ICA1: variants seen among roughly 807,000 people sequenced by gnomAD.
ICA1 encodes 69 kDa islet cell autoantigen.
In ICA1, 40 loss-of-function variants were observed where a neutral mutation model predicts 71.0. The observed-to-expected ratio is 0.56, with a 90% confidence interval of 0.44 to 0.73. The LOEUF (loss-of-function observed/expected upper bound fraction) is 0.73. ICA1 is among the 30% of genes least tolerant of loss of function. The pLI, the probability that ICA1 is intolerant of heterozygous loss-of-function variation, is 0.00. For synonymous variants in ICA1, 207 were observed against 209.5 expected, an observed-to-expected ratio of 0.99 and a Z score of 0.10; for missense variants, 578 against 576.5, an observed-to-expected ratio of 1.00 and a Z score of -0.03.
intron 8 of ICA1, among the ~76,000 whole-genome samples, chr7:8,149,081 A>G (rs1797978658): frequency 6.6e-6 from 1 of 152,228 alleles, no homozygotes; most frequent in Non-Finnish European, 1.5e-5. Flanking sequence ...TCTGTGTGAC[A>G]GGAACACCTG....
Position 8,130,251 on chromosome 7 carries a change from T to C in ICA1, c.1061-2109A>G, listed in dbSNP as rs955880044. Among the ~76,000 whole-genome samples the C allele has an allele frequency of 3.3e-5, 5 of 152,294 alleles. No individual in the cohort carries two copies. Among genetic ancestry groups the C allele is most frequent in the Admixed American group, 6.5e-5 (1 of 15,288 alleles). The stretch of plus-strand genomic sequence containing the variant: ...GCTGGGTCGAATGGTATTTCGACAG[T>C]GTGATATTAACAGGGTAGTTCAGGA... On this transcript the variant is annotated intron_variant, in intron 12 of 13. Transcript: ENST00000402384. The surrounding 1 kb of genome is among the most constrained non-coding windows in gnomAD (Gnocchi z 4.2).
chr7:8,247,772 C>A (rs968530472), intron 1 of ICA1, among the ~76,000 whole-genome samples: 1 of 152,164 alleles, frequency 6.6e-6, no homozygotes, highest in Non-Finnish European at 1.5e-5. Flanking sequence ...TTTTTCTATG[C>A]ATTTCTTCAA....
chr7:8,224,431 A>C (rs1253877071), intron 4 of ICA1, among the ~76,000 whole-genome samples: 3 of 151,894 alleles, frequency 2.0e-5, no homozygotes, highest in Admixed American at 2.0e-4. Context: ...TTTTAAAAGT[A>C]GGGGAGCAAT....
intron 1 of ICA1, among the ~76,000 whole-genome samples, chr7:8,246,154 G>GA (rs1440621508): frequency 9.2e-5 from 14 of 152,146 alleles, no homozygotes; most frequent in African/African-American, 3.4e-4. Context: ...TCTTACCTTG[G>GA]GAGATAAGCA....
rs1455143733 is a variant in ICA1, at chr7:8,123,627, G to GAACATCAT, written c.1330+4245_1330+4246insATGATGTT. ...TTCTATTCTGGAACATCATTCAATT[G>GAACATCAT]TGTGTGGACTTAGCCTCTGTCTCCC... On this transcript the variant is annotated intron_variant, in intron 13 of 13. Coordinates refer to ENST00000402384, the MANE Select transcript of ICA1 (RefSeq NM_001136020.3). The surrounding 1 kb of genome is among the most constrained non-coding windows in gnomAD (Gnocchi z 4.1). 5.7e-4 allele frequency among the ~76,000 whole-genome samples: 87 copies of GAACATCAT among 152,158 alleles called. No individual in the cohort carries two copies. Among genetic ancestry groups the GAACATCAT allele is most frequent in the African/African-American group, 1.9e-3 (80 of 41,414 alleles).
chr7:8,157,153 A>C lies in ICA1; in HGVS notation c.767T>G (p.Phe256Cys). 2 of 1,613,784 alleles carry C rather than the reference A, an allele frequency of 1.2e-6. No homozygotes were observed. Among genetic ancestry groups the C allele is most frequent in the South Asian group, 1.1e-5 (1 of 90,948 alleles). The change falls in exon 8 of 14, where the codon TTC becomes TGC. Residue 256 changes from phenylalanine to cysteine, a missense_variant. Physicochemically the swap from Phe to Cys is radical, Grantham distance 205 (BLOSUM62 -2). Coordinates refer to ENST00000402384, the MANE Select transcript of ICA1 (RefSeq NM_001136020.3). The part of the protein sequence containing the change: ...SHTMAAIHES[F>C]KGYQPYEFTT... ...AAATTCATATGGTTGATAACCTTTG[A>C]AACTCTCATGGATGGCTGCCATAGT...
chr7:8,122,149 C>T (rs1013317727), intron 13 of ICA1, among the ~76,000 whole-genome samples: 4 of 152,150 alleles, frequency 2.6e-5, no homozygotes, highest in African/African-American at 9.7e-5. Flanking sequence ...GAGCATGTGC[C>T]AAGACCCCAT....
chr7:8,206,499 C>G (rs954991207), intron 6 of ICA1, among the ~76,000 whole-genome samples: 3 of 152,154 alleles, frequency 2.0e-5, no homozygotes, highest in Admixed American at 1.3e-4. Context: ...CTGTCATTCT[C>G]CCTTTTCTTC....
Position 8,153,836 on chromosome 7 carries a change from A to AATATATATATATATAT in ICA1, c.804+3264_804+3279dup, listed in dbSNP as rs33924786. Among the ~76,000 whole-genome samples, 629 of 137,088 alleles carry AATATATATATATATAT rather than the reference A, an allele frequency of 4.6e-3. 8 individuals carry two copies. The highest frequency in any genetic ancestry group is 0.011 in the African/African-American group (406 of 37,508). The allele number at this position is 137,088 out of a possible 152,430, so 89.9% of individuals were successfully genotyped here. A position where few individuals can be genotyped will look rare whatever the true frequency, so the allele number is the denominator to read the frequency against. On this transcript the variant is annotated intron_variant, in intron 8 of 13. Transcript: ENST00000402384. Reference sequence around the variant, plus strand: ...AATATATTAATTACAACTCATGCAGAATATATATATATATATATATATGTA... The same window carrying AATATATATATATATAT: ...AATATATTAATTACAACTCATGCAGAATATATATATATATATATATATATATATATATATATATGTA...
chr7:8,193,191 A>C (rs1003445516), intron 6 of ICA1, among the ~76,000 whole-genome samples: 4 of 152,212 alleles, frequency 2.6e-5, no homozygotes, highest in African/African-American at 9.6e-5. Context: ...CACAACACAC[A>C]TACACATATA....
chr7:8,261,499 C>T (rs931345120), intron 1 of ICA1, among the ~76,000 whole-genome samples: 1 of 152,190 alleles, frequency 6.6e-6, no homozygotes, highest in African/African-American at 2.4e-5. Context: ...CCCGTCTAGT[C>T]CGAGACTGCT....
intron 6 of ICA1, among the ~76,000 whole-genome samples, chr7:8,215,856 G>A (rs989178335): frequency 2.0e-5 from 3 of 152,172 alleles, no homozygotes; most frequent in African/African-American, 7.2e-5. Context: ...GGAGCCACTT[G>A]CAGCTGGATA....
In ICA1 at chr7:8,134,666, G is replaced by A. The variant is rs553219206; in HGVS notation, c.1060+4174C>T. ...AAAGAGAGTAGGGGGAAGATAGGGA[G>A]GAAAACACCTTACGAAAATGGCTAA... On this transcript the variant is annotated intron_variant, in intron 12 of 13. Transcript: ENST00000402384. Among the ~76,000 whole-genome samples, 163 of 152,188 alleles carry A rather than the reference G, an allele frequency of 1.1e-3. 1 individual carries two copies. In the Middle Eastern group the frequency reaches 0.027, roughly 25 times the overall value.
rs373729307 is a variant in ICA1 at position 8,165,812 on chromosome 7, C to A, written c.580-7160G>T. 1.1e-4 allele frequency among the ~76,000 whole-genome samples: 16 copies of A among 152,272 alleles called. 1 individual carries two copies. The East Asian group carries it at 1.5e-3, about 15-fold the overall frequency. On this transcript the variant is annotated intron_variant, in intron 6 of 13. Coordinates refer to ENST00000402384, the MANE Select transcript of ICA1 (RefSeq NM_001136020.3). The stretch of plus-strand genomic sequence containing the variant: ...ATAAAACACTTAGGAATACAGCTAT[C>A]CAGGAAGGTGCAAAATTTCTACAGT...
intron 1 of ICA1, among the ~76,000 whole-genome samples, chr7:8,256,170 G>T (rs977982351): frequency 6.6e-6 from 1 of 152,108 alleles, no homozygotes; most frequent in African/African-American, 2.4e-5. Context: ...CACAGCTTAG[G>T]CCTTAAGAGG....
rs568190588 is a variant in ICA1 at position 8,240,566 on chromosome 7, C to T, written c.-79-4561G>A. On this transcript the variant is annotated intron_variant, in intron 1 of 13. Coordinates refer to ENST00000402384, the MANE Select transcript of ICA1 (RefSeq NM_001136020.3). The stretch of plus-strand genomic sequence containing the variant: ...AAAGTTGGATGGAGAATGACTTTGA[C>T]GAGCTGACAGAAGTAGGCTTCAGAA... 3.3e-5 allele frequency among the ~76,000 whole-genome samples: 5 copies of T among 152,250 alleles called. No individual in the cohort carries two copies. In the South Asian group the frequency reaches 6.2e-4, roughly 19 times the overall value.
chr7:8,163,585 C>A (rs745788800), intron 6 of ICA1, among the ~76,000 whole-genome samples: 5 of 152,140 alleles, frequency 3.3e-5, no homozygotes, highest in Non-Finnish European at 7.4e-5. Context: ...TCACATAGTC[C>A]CTCAAGAATG....
chr7:8,141,816 A>T lies in ICA1; in HGVS notation c.904T>A (p.Leu302Ile). The T allele has an allele frequency of 6.4e-7, 1 of 1,562,118 alleles. No homozygotes were observed. Among genetic ancestry groups the T allele is most frequent in the African/African-American group, 1.4e-5 (1 of 73,562 alleles). The change falls in exon 10 of 14, where the codon TTA becomes ATA. Residue 302 changes from leucine (L) to isoleucine (I), a missense_variant and splice_region_variant. Leu to Ile is a conservative substitution (Grantham distance 5). Transcript: ENST00000402384. ...TGGTTTTCTTCCTCTAATGAAATTA[A>T]TCTTAAAATAAAAAAGAGGTTTAGT... ...TDAAVQEPSQ[L>I]ISLEEENQRK...
chr7:8,182,119 T>G (rs953604147), intron 6 of ICA1, among the ~76,000 whole-genome samples: 2 of 152,178 alleles, frequency 1.3e-5, no homozygotes, highest in Non-Finnish European at 2.9e-5. Flanking sequence ...AGAAACACTC[T>G]TACCCTTTTT....
Sources: allele counts gnomAD v4.1 joint callset (sites outside exome capture counted in the v4.1 genomes callset), GRCh38; gene constraint gnomAD v4.1.1; non-coding constraint Gnocchi (gnomAD v3.1); transcripts MANE v1.5; gene names NCBI Gene and HGNC (gene_info 2026-07-23, HGNC 2026-07-21).